DCC: variants seen among roughly 807,000 people sequenced by gnomAD.
DCC encodes DCC netrin 1 receptor, also known as netrin receptor DCC.
DCC carries 58 observed loss-of-function variants against 172.5 expected under a neutral mutation model. The ratio of observed to expected loss-of-function variants is 0.34; its 90% CI spans 0.27 to 0.42. The LOEUF (loss-of-function observed/expected upper bound fraction) is 0.42. DCC is among the 10% of genes least tolerant of loss of function. The pLI is 1.00. For synonymous variants in DCC, 709 were observed against 644.5 expected (o/e 1.10, Z -1.52); for missense variants, 1,740 against 1,791.0 (o/e 0.97, Z 0.51).
At chr18:53,390,266 C>CCTTTTTTTT (rs34412320) in intron 16 of DCC, among the ~76,000 whole-genome samples, 1 of 140,730 alleles carries the variant, frequency 7.1e-6, no homozygotes, top group Non-Finnish European at 1.6e-5. Context: ...TCTCTCTCTC[C>CCTTTTTTTT]TTTTATTTTT....
chr18:52,822,718 T>G (rs1258917704), intron 2 of DCC, among the ~76,000 whole-genome samples: 4 of 152,176 alleles, frequency 2.6e-5, no homozygotes, highest in Non-Finnish European at 4.4e-5. Context: ...AAAATCCTGG[T>G]TTTTAGTATT....
chr18:53,446,744 A>G (rs1334534198), intron 22 of DCC, among the ~76,000 whole-genome samples: 1 of 152,060 alleles, frequency 6.6e-6, no homozygotes, highest in Non-Finnish European at 1.5e-5. Flanking sequence ...TCATGTCACC[A>G]CCTAAGACAG....
intron 1 of DCC, among the ~76,000 whole-genome samples, chr18:52,534,340 A>C (rs1351408748): frequency 6.6e-6 from 1 of 152,128 alleles, no homozygotes; most frequent in Non-Finnish European, 1.5e-5. Context: ...TGTTAAGAAT[A>C]CTTATTTAAC....
At chr18:53,526,848 T>TCACCCCAGTC in intron 28 of DCC, 89 bp downstream of exon 28, 1 of 959,114 alleles carries the variant, frequency 1.0e-6, no homozygotes. Flanking sequence ...TACTGTCCAT[T>TCACCCCAGTC]CACCCCAGGC....
At chr18:52,652,868 T>A (rs1429434602) in intron 1 of DCC, among the ~76,000 whole-genome samples, 1 of 151,976 alleles carries the variant, frequency 6.6e-6, no homozygotes, top group Admixed American at 6.6e-5. Context: ...CTTTCGTGGG[T>A]CTGGAATACA....
intron 1 of DCC, among the ~76,000 whole-genome samples, chr18:52,706,183 A>T (rs2036208008): frequency 6.6e-6 from 1 of 151,922 alleles, no homozygotes; most frequent in Non-Finnish European, 1.5e-5. Context: ...TACAAAGTGG[A>T]TAATTCTATT....
chr18:52,868,153 G>A (rs4940220), intron 2 of DCC, among the ~76,000 whole-genome samples: 11,463 of 150,414 alleles, frequency 0.076, 818 homozygotes, highest in East Asian at 0.31. Context: ...TTTAATTTAG[G>A]CTTCTTTTTA....
intron 2 of DCC, among the ~76,000 whole-genome samples, chr18:52,901,860 C>A (rs2145439457): frequency 6.6e-6 from 1 of 152,256 alleles, no homozygotes; most frequent in East Asian, 1.9e-4. Flanking sequence ...ATACAGAAAA[C>A]ATCCACATGA....
intron 1 of DCC, among the ~76,000 whole-genome samples, chr18:52,682,461 C>A (rs72914224): frequency 6.6e-6 from 1 of 151,808 alleles, no homozygotes; most frequent in Non-Finnish European, 1.5e-5. Context: ...ATTCCAGGAA[C>A]GTGAAGAAGA....
intron 1 of DCC, among the ~76,000 whole-genome samples, chr18:52,733,292 C>T (rs1327234424): frequency 1.3e-5 from 2 of 152,090 alleles, no homozygotes; most frequent in South Asian, 2.1e-4. Flanking sequence ...ACATGATTCA[C>T]GTATCATTTT....
At chr18:52,838,591 T>C (rs2038753592) in intron 2 of DCC, among the ~76,000 whole-genome samples, 1 of 151,480 alleles carries the variant, frequency 6.6e-6, no homozygotes, top group Non-Finnish European at 1.5e-5. Flanking sequence ...CATCAAGTAA[T>C]AATAAGTATT....
At chr18:53,395,884 C>A (rs1406075622) in intron 17 of DCC, among the ~76,000 whole-genome samples, 1 of 152,170 alleles carries the variant, frequency 6.6e-6, no homozygotes, top group African/African-American at 2.4e-5. Flanking sequence ...CTCGAGTGAT[C>A]CATCCGCCTC....
At chr18:53,126,233 T>G (rs926564270) in intron 7 of DCC, among the ~76,000 whole-genome samples, 1 of 152,120 alleles carries the variant, frequency 6.6e-6, no homozygotes, top group Non-Finnish European at 1.5e-5. Context: ...CATAGTAACA[T>G]AAGACTTCTT....
rs200119264 is a variant in DCC, at chr18:52,773,848, T to TTTA, written c.412+21474_412+21475insTTA. 4.7e-3 allele frequency among the ~76,000 whole-genome samples: 708 copies of TTTA among 149,302 alleles called. 1 individual carries two copies. Among genetic ancestry groups the TTTA allele is most frequent in the East Asian group, 0.026 (108 of 4,112 alleles). On this transcript the variant is annotated intron_variant, in intron 2 of 28. Coordinates refer to ENST00000442544, the MANE Select transcript of DCC (RefSeq NM_005215.4). ...CCAGCCCATATATATATATATTTTT[T>TTTA]AAAGGTGGGAGTATATATACAAAAG... is the stretch of plus-strand genomic sequence containing the variant.
At chr18:53,448,047 G>GTTTTTTTTTTTTTTTTTT (rs35238619) in intron 22 of DCC, among the ~76,000 whole-genome samples, 2 of 113,730 alleles carry the variant, frequency 1.8e-5, no homozygotes, top group African/African-American at 6.7e-5. Flanking sequence ...ATTTTGATGA[G>GTTTTTTTTTTTTTTTTTT]TTTTTTTTTT....
At chr18:52,745,477 T>C (rs2036893173) in intron 1 of DCC, among the ~76,000 whole-genome samples, 1 of 152,042 alleles carries the variant, frequency 6.6e-6, no homozygotes, top group African/African-American at 2.4e-5. Flanking sequence ...GGGCCTAGAA[T>C]TGTGCATTTT....
At chr18:53,197,486 G>C (rs1248887239) in intron 9 of DCC, among the ~76,000 whole-genome samples, 1 of 113,688 alleles carries the variant, frequency 8.8e-6, no homozygotes, top group Non-Finnish European at 1.7e-5. Flanking sequence ...AGAACTCATT[G>C]TACTACACAG....
At chr18:53,121,944 G>T (rs2043489406) in intron 7 of DCC, among the ~76,000 whole-genome samples, 1 of 151,900 alleles carries the variant, frequency 6.6e-6, no homozygotes, top group Non-Finnish European at 1.5e-5. Flanking sequence ...TCCACTCAGT[G>T]ATAAATACCC....
At chr18:53,259,318 C>G (rs2056564179) in intron 12 of DCC, among the ~76,000 whole-genome samples, 1 of 152,314 alleles carries the variant, frequency 6.6e-6, no homozygotes, top group Admixed American at 6.5e-5. Context: ...ATGGTCTTTA[C>G]AATTTGGGAT....
Sources: gnomAD v4.1 joint callset for allele counts (sites outside exome capture counted in the v4.1 genomes callset) on GRCh38, gnomAD v4.1.1 for gene constraint, MANE v1.5 for transcripts, NCBI Gene and HGNC (gene_info 2026-07-23, HGNC 2026-07-21) for gene names.